The following SCARB1 variants were observed in gnomAD, a reference collection of about 807,000 sequenced individuals.
SCARB1 encodes CD36 and LIMPII analogous 1.
Under a neutral mutation model 57.2 loss-of-function variants are expected in SCARB1, and 30 were observed. The observed-to-expected ratio is 0.52, with a 90% CI of 0.39 to 0.71. The LOEUF (loss-of-function observed/expected upper bound fraction) is 0.71, where lower values mean the gene tolerates loss of function less well. SCARB1 is among the 30% of genes least tolerant of loss of function. The pLI, the probability that SCARB1 is intolerant of heterozygous loss-of-function variation, is 0.00. For synonymous variants in SCARB1, 249 were observed against 268.3 expected (o/e 0.93, Z 0.70); for missense variants, 543 against 671.2 (o/e 0.81, Z 2.11).
intron 1 of SCARB1, among the ~76,000 whole-genome samples, chr12:124,837,458 G>GAAAGAAA (rs1566230877): frequency 1.7e-5 from 1 of 59,792 alleles, no homozygotes; most frequent in African/African-American, 5.9e-5. Flanking sequence ...AAAGAAAGAA[G>GAAAGAAA]GAAAGAAAGA....
chr12:124,809,201 G>T (rs920676490), intron 6 of SCARB1, among the ~76,000 whole-genome samples: 2 of 152,072 alleles, frequency 1.3e-5, no homozygotes, highest in Admixed American at 1.3e-4. Context: ...AGAGGGGGTG[G>T]GGGGCTTAAC....
At position 124,807,779 on chromosome 12, in the gene SCARB1, C is replaced by T. The variant is rs139784395; in HGVS notation, c.991G>A (p.Val331Ile). 322 of 1,614,160 alleles carry T rather than the reference C, an allele frequency of 2.0e-4. 1 individual carries two copies. In the African/African-American group the frequency reaches 3.6e-3, roughly 18 times the overall value. Reference protein sequence around the residue: ...CPCLESGIQNVSTCRFSAPLF... With the variant: ...CPCLESGIQNISTCRFSAPLF... ...CACGTACTGAACCTGCAGGTGCTGA[C>T]GTTCTGAATTCCAGACTCCAGGCAC... The change falls in exon 7 of 13, where the codon GTC (valine) becomes ATC (isoleucine). Residue 331 changes from valine to isoleucine, a missense_variant. Val to Ile is a conservative substitution (Grantham distance 29). Transcript: ENST00000261693. This position sits in a 1 kb window ranked among gnomAD's most constrained non-coding sequence, Gnocchi z 5.3.
chr12:124,808,281 C>T (rs1428311968), intron 6 of SCARB1, among the ~76,000 whole-genome samples: 2 of 152,118 alleles, frequency 1.3e-5, no homozygotes, highest in African/African-American at 2.4e-5. Flanking sequence ...CATAGTGAGA[C>T]CCAGTCTCTA....
At chr12:124,792,121 C>T (rs1949755373) in intron 9 of SCARB1, among the ~76,000 whole-genome samples, 1 of 152,132 alleles carries the variant, frequency 6.6e-6, no homozygotes, top group Non-Finnish European at 1.5e-5. Flanking sequence ...CTGCTTTTCT[C>T]TGAAAGACTT....
intron 1 of SCARB1, among the ~76,000 whole-genome samples, chr12:124,843,466 G>A (rs1026026113): frequency 4.6e-5 from 7 of 152,038 alleles, no homozygotes; most frequent in Non-Finnish European, 8.8e-5. Flanking sequence ...GGTGGAAATC[G>A]GCTTTTAGGA....
At position 124,786,464 on chromosome 12, in the gene SCARB1, T is replaced by C. The variant is rs1219650856; in HGVS notation, c.1294A>G (p.Thr432Ala). The change falls in exon 11 of 13, where the codon ACT becomes GCT. Residue 432 changes from threonine to alanine, a missense_variant. By Grantham distance (58) the Thr-to-Ala change is moderately conservative (BLOSUM62 0). Coordinates refer to ENST00000261693, the MANE Select transcript of SCARB1 (RefSeq NM_005505.5). ...MEGETLHTFYTQLVLMPKVMH... is the reference protein window; with the variant it reads ...MEGETLHTFYAQLVLMPKVMH... ...ACCTTGGGCATCAACACCAGCTGAG[T>C]GTAGAATGTGTGAAGAGTCTCCCCC... The C allele has an allele frequency of 1.2e-6, 2 of 1,613,974 alleles. No homozygotes were observed. The highest frequency in any genetic ancestry group is 1.7e-6 in the Non-Finnish European group (2 of 1,179,994).
At chr12:124,840,128 C>A in intron 1 of SCARB1, 3 of 1,202,248 alleles carry the variant, frequency 2.5e-6, no homozygotes, top group Admixed American at 2.5e-5. Flanking sequence ...ATTCTCATTT[C>A]CCTAACGATG....
chr12:124,779,211 A>G (rs1872919431), intron 12 of SCARB1, among the ~76,000 whole-genome samples: 1 of 152,128 alleles, frequency 6.6e-6, no homozygotes, highest in South Asian at 2.1e-4. Flanking sequence ...AGCCTCCCAA[A>G]GCGCTGGGAT....
At chr12:124,857,603 G>A (rs1157266690) in intron 1 of SCARB1, among the ~76,000 whole-genome samples, 1 of 152,232 alleles carries the variant, frequency 6.6e-6, no homozygotes, top group Non-Finnish European at 1.5e-5. Context: ...CGCTGCTATG[G>A]CCCTCGGGGA....
In SCARB1 at chr12:124,795,362, C is replaced by T. The variant is rs147238482; in HGVS notation, c.1129-94G>A. ...CCCTGGTCCCAGTCAAGAGGGTGGG[C>T]GTCCCAGCTAACTGCCCAGTGGAGC... is the stretch of plus-strand genomic sequence containing the variant. On this transcript the variant is annotated intron_variant, in intron 8 of 12. Transcript: ENST00000261693. The T allele has an allele frequency of 5.4e-4, 549 of 1,020,468 alleles. 3 individuals are homozygous for T. Among genetic ancestry groups the T allele is most frequent in the African/African-American group, 4.8e-3 (303 of 62,998 alleles). The allele number at this position is 1,020,468 out of a possible 1,614,324, so 63.2% of individuals were successfully genotyped here.
chr12:124,788,778 G>A (rs1229675627), intron 9 of SCARB1, among the ~76,000 whole-genome samples: 7 of 152,088 alleles, frequency 4.6e-5, no homozygotes, highest in Admixed American at 2.6e-4. Context: ...TATACCTCAC[G>A]ACCCAGCAAT....
intron 9 of SCARB1, among the ~76,000 whole-genome samples, chr12:124,791,603 G>T (rs1035043237): frequency 4.6e-5 from 7 of 152,182 alleles, no homozygotes; most frequent in Non-Finnish European, 1.0e-4. Flanking sequence ...CACAGCAGTA[G>T]GGAGGGGAGA....
chr12:124,837,860 C>G (rs1594352323), intron 1 of SCARB1, among the ~76,000 whole-genome samples: 1 of 152,188 alleles, frequency 6.6e-6, no homozygotes, highest in Non-Finnish European at 1.5e-5. Context: ...CATGATGGTG[C>G]CCCTGCCCCC....
intron 1 of SCARB1, among the ~76,000 whole-genome samples, chr12:124,836,619 C>T (rs1951658516): frequency 6.6e-6 from 1 of 151,962 alleles, no homozygotes; most frequent in Non-Finnish European, 1.5e-5. Flanking sequence ...ACAGTGAGCC[C>T]CATCTCTACA....
rs10396210 is a variant in SCARB1, at chr12:124,795,275, C to T, written c.1129-7G>A. On this transcript the variant is annotated splice_region_variant and splice_polypyrimidine_tract_variant and intron_variant, in intron 8 of 12. Coordinates refer to ENST00000261693, the MANE Select transcript of SCARB1 (RefSeq NM_005505.5). ...TCATGGGGATTCCCGTGACCTGCGG[C>T]AACAAACACAGTGAGGAGACTGGCC... The T allele has an allele frequency of 6.6e-3, 10,610 of 1,612,848 alleles. 587 individuals are homozygous for T. The African/African-American group carries it at 0.12, about 18-fold the overall frequency.
At position 124,777,652 on chromosome 12, in the gene SCARB1, C is replaced by T. The variant is rs1872618889; in HGVS notation, c.*935G>A. ...ATCCCATTTTTTTAAACGTTTATTA[C>T]TTCAAGAGTGAATTATTTTTCAAAG... is the stretch of plus-strand genomic sequence containing the variant. On this transcript the variant is annotated 3_prime_UTR_variant, in exon 13 of 13. Coordinates refer to ENST00000261693, the MANE Select transcript of SCARB1 (RefSeq NM_005505.5). 6.6e-6 allele frequency: 1 copy of T among 152,238 alleles called. No homozygotes were observed. The highest frequency in any genetic ancestry group is 1.5e-5 in the Non-Finnish European group (1 of 68,042). The allele number at this position is 152,238 out of a possible 1,614,324, so 9.4% of individuals were successfully genotyped here.
intron 12 of SCARB1, among the ~76,000 whole-genome samples, chr12:124,779,110 G>A (rs776718697): frequency 5.9e-5 from 9 of 151,974 alleles, no homozygotes; most frequent in Non-Finnish European, 8.8e-5. Flanking sequence ...CCACCACCAC[G>A]CCCGGCTCAT....
chr12:124,852,407 C>T (rs1952449408), intron 1 of SCARB1, among the ~76,000 whole-genome samples: 1 of 152,230 alleles, frequency 6.6e-6, no homozygotes, highest in East Asian at 1.9e-4. Context: ...CTCCCTTACC[C>T]CTCGCTACAG....
chr12:124,793,647 C>T (rs376358870), intron 9 of SCARB1, among the ~76,000 whole-genome samples: 1 of 145,970 alleles, frequency 6.9e-6, no homozygotes, highest in Non-Finnish European at 1.5e-5. Context: ...GAGCCGAGAT[C>T]GCGCCACTGC....
Sources: allele counts gnomAD v4.1 joint callset (sites outside exome capture counted in the v4.1 genomes callset), GRCh38; gene constraint gnomAD v4.1.1; non-coding constraint Gnocchi (gnomAD v3.1); transcripts MANE v1.5; gene names NCBI Gene and HGNC (gene_info 2026-07-23, HGNC 2026-07-21).